The following CNOT6 variants were observed in gnomAD, a reference collection of about 807,000 sequenced individuals.
The protein encoded by CNOT6 is CCR4-NOT transcription complex subunit 6, also known as carbon catabolite repression 4 protein.
In CNOT6, 12 loss-of-function variants were observed where a neutral mutation model predicts 61.2. The observed-to-expected ratio is 0.20, with a 90% confidence interval of 0.13 to 0.32. The LOEUF (loss-of-function observed/expected upper bound fraction) is 0.32. CNOT6 is among the 10% of genes least tolerant of loss of function. The pLI is 1.00. For synonymous variants in CNOT6, 225 were observed against 240.6 expected (o/e 0.94, Z 0.60); for missense variants, 405 against 663.9 (o/e 0.61, Z 4.28).
At chr5:180,499,258 A>G (rs1756756988) in intron 1 of CNOT6, among the ~76,000 whole-genome samples, 1 of 152,232 alleles carries the variant, frequency 6.6e-6, no homozygotes, top group Non-Finnish European at 1.5e-5. Flanking sequence ...ATAAAATGTT[A>G]CTCATGAAAG....
At chr5:180,510,134 CTTTTTTTTTTT>C (rs56899929) in intron 1 of CNOT6, among the ~76,000 whole-genome samples, 1,009 of 37,342 alleles carry the variant, frequency 0.027, 28 homozygotes, top group African/African-American at 0.09. Context: ...GTCTGTAAAC[CTTTTTTTTTTT>C]TTTTTTTTTT....
At chr5:180,518,771 G>A (rs927015891) in intron 1 of CNOT6, among the ~76,000 whole-genome samples, 1 of 152,192 alleles carries the variant, frequency 6.6e-6, no homozygotes, top group Admixed American at 6.5e-5. Flanking sequence ...AAAGTGCTGG[G>A]ATTACTGGTA....
intron 3 of CNOT6, among the ~76,000 whole-genome samples, chr5:180,550,320 G>A (rs1268766368): frequency 6.6e-5 from 10 of 151,928 alleles, no homozygotes; most frequent in Non-Finnish European, 1.0e-4. Context: ...GCGTGGTGGC[G>A]GGCACCTGTA....
chr5:180,534,947 G>A (rs1581515670), intron 2 of CNOT6, among the ~76,000 whole-genome samples: 1 of 30,530 alleles, frequency 3.3e-5, no homozygotes, highest in Non-Finnish European at 8.3e-5. Flanking sequence ...GGCATGGGCC[G>A]GAGTCCCTGG....
At chr5:180,520,251 AAAGAGTTTTTAAAT>A (rs70973924) in intron 1 of CNOT6, among the ~76,000 whole-genome samples, 37,914 of 152,136 alleles carry the variant, frequency 0.25, 5,778 homozygotes, top group Middle Eastern at 0.4. Context: ...ATCCAGTTTC[AAAGAGTTTTTAAAT>A]AAGAGTTTTT....
intron 1 of CNOT6, among the ~76,000 whole-genome samples, chr5:180,516,870 C>T (rs776502931): frequency 1.3e-5 from 2 of 152,146 alleles, no homozygotes; most frequent in African/African-American, 2.4e-5. Context: ...TCTGATTGCT[C>T]CTTTGGTGTC....
intron 1 of CNOT6, among the ~76,000 whole-genome samples, chr5:180,508,094 A>G (rs1757213097): frequency 8.4e-6 from 1 of 119,000 alleles, no homozygotes; most frequent in African/African-American, 2.9e-5. Flanking sequence ...TGGTGGAGGA[A>G]AGACTATGGG....
intron 3 of CNOT6, among the ~76,000 whole-genome samples, chr5:180,551,069 T>C (rs1311752146): frequency 6.6e-6 from 1 of 151,892 alleles, no homozygotes; most frequent in Non-Finnish European, 1.5e-5. Flanking sequence ...GCAGACTGCA[T>C]GTGGTGGTTC....
At chr5:180,553,267 A>T in intron 3 of CNOT6, 119 bp from the exon 4 acceptor site, 1 of 605,824 alleles carries the variant, frequency 1.7e-6, no homozygotes, top group Non-Finnish European at 2.9e-6. Flanking sequence ...CTAGACATTG[A>T]AATATAACGT....
At position 180,571,265 on chromosome 5, in the gene CNOT6, A is replaced by G. The variant is rs561133083; in HGVS notation, c.1294A>G (p.Thr432Ala). Reference sequence around the variant, plus strand: ...ATATTTGAGCACAGGTGGAGTAGAAACAAATCACAAAGACTTTAAGGAGTT... The same window carrying G: ...ATATTTGAGCACAGGTGGAGTAGAAGCAAATCACAAAGACTTTAAGGAGTT... ...VEYLSTGGVETNHKDFKELRY... is the reference protein window; with the variant it reads ...VEYLSTGGVEANHKDFKELRY... The change falls in exon 11 of 12, where the codon ACA (threonine) becomes GCA (alanine). Residue 432 changes from threonine (T) to alanine (A), a missense_variant. This residue lies in a region of CNOT6 where 116 missense variants were observed against 184.6 expected (regional missense o/e 0.63). Transcript: ENST00000261951. 3.1e-6 allele frequency: 5 copies of G among 1,614,210 alleles called. No homozygotes were observed. Among genetic ancestry groups the G allele is most frequent in the African/African-American group, 2.7e-5 (2 of 75,064 alleles).
At chr5:180,528,521 T>C (rs1758203367) in intron 1 of CNOT6, among the ~76,000 whole-genome samples, 1 of 152,080 alleles carries the variant, frequency 6.6e-6, no homozygotes. Flanking sequence ...TTCACCACAT[T>C]AGCCAGGATG....
chr5:180,520,321 G>C (rs1234450520), intron 1 of CNOT6, among the ~76,000 whole-genome samples: 1 of 152,170 alleles, frequency 6.6e-6, no homozygotes, highest in Non-Finnish European at 1.5e-5. Flanking sequence ...GGACTCCAGA[G>C]CACTGGGATC....
intron 1 of CNOT6, among the ~76,000 whole-genome samples, chr5:180,523,411 T>A (rs1757960360): frequency 6.6e-6 from 1 of 151,832 alleles, no homozygotes; most frequent in South Asian, 2.1e-4. Context: ...TAACTACAAA[T>A]CCTTTTCCCA....
At chr5:180,558,496 C>A (rs114191208) in intron 4 of CNOT6, among the ~76,000 whole-genome samples, 2 of 143,666 alleles carry the variant, frequency 1.4e-5, no homozygotes, top group African/African-American at 5.0e-5. Flanking sequence ...CGCCCTCCTT[C>A]GGCAGAAACA....
intron 4 of CNOT6, among the ~76,000 whole-genome samples, chr5:180,563,680 A>G (rs866595178): frequency 5.3e-5 from 8 of 152,218 alleles, no homozygotes; most frequent in Admixed American, 6.5e-5. Flanking sequence ...TTCAAACTGC[A>G]GAATTTGTCT....
chr5:180,496,200 G>A (rs976632955), intron 1 of CNOT6, among the ~76,000 whole-genome samples: 9 of 152,264 alleles, frequency 5.9e-5, no homozygotes, highest in Admixed American at 5.2e-4. Flanking sequence ...AACATGCCTG[G>A]CCATCACAGT....
chr5:180,519,754 A>T lies in CNOT6; in HGVS notation c.-2-9521A>T, dbSNP rs184933388. 2.9e-5 allele frequency among the ~76,000 whole-genome samples: 4 copies of T among 136,118 alleles called. No individual in the cohort carries two copies. In the East Asian group the frequency reaches 6.7e-4, roughly 23 times the overall value. 89.3% of individuals were successfully genotyped at this position (136,118 alleles called of 152,430 possible). On this transcript the variant is annotated intron_variant, in intron 1 of 11. Coordinates refer to ENST00000261951, the MANE Select transcript of CNOT6 (RefSeq NM_001370472.1). Reference sequence around the variant, plus strand: ...AGATTCATTCATATTTGTGTGTATCAGTTAATCGATTCTTTTTTTTTTTTA... The same window carrying T: ...AGATTCATTCATATTTGTGTGTATCTGTTAATCGATTCTTTTTTTTTTTTA...
intron 2 of CNOT6, among the ~76,000 whole-genome samples, chr5:180,548,342 G>GT (rs1759416693): frequency 6.6e-6 from 1 of 152,132 alleles, no homozygotes; most frequent in Non-Finnish European, 1.5e-5. Context: ...CCTTTCAGGT[G>GT]TTTTTTTCCC....
intron 4 of CNOT6, among the ~76,000 whole-genome samples, chr5:180,555,839 A>G (rs567724966): frequency 6.6e-6 from 1 of 152,268 alleles, no homozygotes; most frequent in East Asian, 1.9e-4. Context: ...CTGCCTCATG[A>G]ATCAGTTCAT....
Sources: allele counts gnomAD v4.1 joint callset (sites outside exome capture counted in the v4.1 genomes callset), GRCh38; gene constraint gnomAD v4.1.1; regional missense constraint gnomAD v4.1.1; transcripts MANE v1.5; gene names NCBI Gene and HGNC (gene_info 2026-07-23, HGNC 2026-07-21).